Variants in GABRA2 observed in about 807,000 individuals in gnomAD.
GABRA2 encodes the protein gamma-aminobutyric acid type A receptor subunit alpha2, also known as gamma-aminobutyric acid receptor subunit alpha-2.
In GABRA2, 16 loss-of-function variants were observed where a neutral mutation model predicts 48.7. The ratio of observed to expected loss-of-function variants is 0.33; its 90% CI spans 0.22 to 0.50. The LOEUF (loss-of-function observed/expected upper bound fraction) is 0.50, where lower values mean the gene tolerates loss of function less well. GABRA2 is among the 20% of genes least tolerant of loss of function. GABRA2 has a pLI of 0.98. For missense variants in GABRA2, 275 were observed against 535.6 expected (o/e 0.51, Z 4.80); for synonymous variants, 185 against 184.5 (o/e 1.00, Z -0.02).
At chr4:46,262,950 G>GAAGA (rs1560444489) in intron 8 of GABRA2, among the ~76,000 whole-genome samples, 1,118 of 86,578 alleles carry the variant, frequency 0.013, 21 homozygotes, top group African/African-American at 0.06. Context: ...AAGAAAGAAA[G>GAAGA]AAAGAAAGAG....
chr4:46,353,358 CCAGA>C (rs1735458635), intron 3 of GABRA2, among the ~76,000 whole-genome samples: 1 of 152,030 alleles, frequency 6.6e-6, no homozygotes, highest in Non-Finnish European at 1.5e-5. Context: ...GTCTCCTTGC[CCAGA>C]CAGTCTACTC....
At chr4:46,337,118 C>T (rs1732375401) in intron 3 of GABRA2, among the ~76,000 whole-genome samples, 1 of 151,934 alleles carries the variant, frequency 6.6e-6, no homozygotes, top group South Asian at 2.1e-4. Flanking sequence ...AAACATCTGC[C>T]TGTGAAAGAC....
In GABRA2 at chr4:46,248,077, C is replaced by T. The variant is rs1052455199; in HGVS notation, c.*2231G>A. 7.9e-5 allele frequency among the ~76,000 whole-genome samples: 12 copies of T among 151,116 alleles called. No homozygotes were observed. The highest frequency in any genetic ancestry group is 1.8e-4 in the Non-Finnish European group (12 of 67,464). The stretch of plus-strand genomic sequence containing the variant: ...CATCAATATAGTAGCAGCTCTTTGC[C>T]CAAAGTATAGATAAGCCTTTTCTGT... On this transcript the variant is annotated 3_prime_UTR_variant, in exon 10 of 10. Transcript: ENST00000381620.
rs1717978978 is a variant in GABRA2 at position 46,389,800 on chromosome 4, TGGGAGAGA to T, written c.-84_-77del. ...CCTGATCTTGACGAGATAGGAAACT[TGGGAGAGA>T]GAGAGAGAGAGAGAGAGAGAGAGAG... On this transcript the variant is annotated 5_prime_UTR_variant, in exon 1 of 10. Coordinates refer to ENST00000381620, the MANE Select transcript of GABRA2 (RefSeq NM_000807.4). 2 of 601,174 alleles carry T rather than the reference TGGGAGAGA, an allele frequency of 3.3e-6. No homozygotes were observed. The highest frequency in any genetic ancestry group is 7.6e-5 in the African/African-American group (2 of 26,264). The allele number at this position is 601,174 out of a possible 1,614,324, so 37.2% of individuals were successfully genotyped here. A position where few individuals can be genotyped will look rare whatever the true frequency, so the allele number is the denominator to read the frequency against.
intron 8 of GABRA2, among the ~76,000 whole-genome samples, chr4:46,263,912 TTCTCTCTCTC>T (rs3068324): frequency 0.01 from 1,489 of 145,074 alleles, 19 homozygotes; most frequent in African/African-American, 0.031. Flanking sequence ...ATTAGATCAA[TTCTCTCTCTC>T]TCTCTCTCTC....
rs373262859 is a variant in GABRA2, at chr4:46,263,550, G to A, written c.857-1422C>T. On this transcript the variant is annotated intron_variant, in intron 8 of 9. Coordinates refer to ENST00000381620, the MANE Select transcript of GABRA2 (RefSeq NM_000807.4). ...AGAATCAATTGACCATAGATATATG[G>A]GATATCTCTGTACTCCAAATTTTAT... Among the ~76,000 whole-genome samples, 8 of 152,088 alleles carry A rather than the reference G, an allele frequency of 5.3e-5. No homozygotes were observed. In the East Asian group the frequency reaches 5.8e-4, roughly 11 times the overall value.
chr4:46,333,359 C>G (rs901268975), intron 3 of GABRA2, among the ~76,000 whole-genome samples: 21 of 151,930 alleles, frequency 1.4e-4, no homozygotes, highest in Admixed American at 1.2e-3. Context: ...GCTCTATCAA[C>G]CAGGTAATTT....
Position 46,332,656 on chromosome 4 carries a change from T to C in GABRA2, c.214A>G (p.Ile72Val). The change falls in exon 4 of 10, where the codon ATC becomes GTC. Residue 72 changes from isoleucine to valine, a missense_variant. Around this residue, in one of 4 missense-constraint regions of GABRA2, gnomAD observed 113 missense variants for 257.1 expected, o/e 0.44. Transcript: ENST00000381620. Reference protein sequence around the residue: ...GDSITEVFTNIYVTSFGPVSD... With the variant: ...GDSITEVFTNVYVTSFGPVSD... ...ACAGGGCCAAAACTGGTCACGTAGA[T>C]GTTAGTGAAGACTTCAGTAATACTG... The C allele has an allele frequency of 6.3e-7, 1 of 1,595,432 alleles. No homozygotes were observed. Among genetic ancestry groups the C allele is most frequent in the Non-Finnish European group, 8.6e-7 (1 of 1,163,226 alleles).
At chr4:46,321,980 T>C (rs1333826050) in intron 4 of GABRA2, among the ~76,000 whole-genome samples, 1 of 151,972 alleles carries the variant, frequency 6.6e-6, no homozygotes, top group Non-Finnish European at 1.5e-5. Context: ...GTATGCCCCA[T>C]GGGAGATCCA....
intron 3 of GABRA2, chr4:46,364,150 T>A (rs1713669973): frequency 6.6e-6 from 1 of 152,144 alleles, no homozygotes; most frequent in Non-Finnish European, 1.5e-5. Flanking sequence ...GAGATCTAAA[T>A]TCAATTCAGA....
intron 8 of GABRA2, among the ~76,000 whole-genome samples, chr4:46,281,256 T>A (rs1385141250): frequency 6.6e-6 from 1 of 152,198 alleles, no homozygotes; most frequent in Non-Finnish European, 1.5e-5. Flanking sequence ...GATGTATGTA[T>A]CTGGAGTTAA....
At chr4:46,260,266 A>C (rs891267069) in intron 9 of GABRA2, among the ~76,000 whole-genome samples, 2 of 151,902 alleles carry the variant, frequency 1.3e-5, no homozygotes, top group African/African-American at 4.8e-5. Context: ...TAACATAAAC[A>C]ACGTTAATTC....
At chr4:46,379,350 A>G (rs534244954) in intron 3 of GABRA2, among the ~76,000 whole-genome samples, 205 of 152,244 alleles carry the variant, frequency 1.3e-3, no homozygotes, top group South Asian at 7.9e-3. Context: ...AGCCTCCCCA[A>G]TGGCATCCCA....
intron 3 of GABRA2, 51 bp from the exon 4 acceptor site, chr4:46,332,733 G>A (rs1387114853): frequency 1.9e-6 from 2 of 1,078,806 alleles, no homozygotes; most frequent in African/African-American, 1.6e-5. Context: ...AAGAGCCACA[G>A]GAGAGAGAAG....
intron 3 of GABRA2, chr4:46,368,686 C>T (rs1055321306): frequency 3.1e-6 from 1 of 325,098 alleles, no homozygotes; most frequent in African/African-American, 2.1e-5. Flanking sequence ...TTGGGAAGCA[C>T]AGATTTTGTT....
At chr4:46,302,344 G>A (rs1725893145) in intron 8 of GABRA2, among the ~76,000 whole-genome samples, 1 of 151,916 alleles carries the variant, frequency 6.6e-6, no homozygotes, top group African/African-American at 2.4e-5. Context: ...ACAGGCATGA[G>A]GCATTACACT....
intron 8 of GABRA2, among the ~76,000 whole-genome samples, chr4:46,279,914 T>C (rs1721197528): frequency 6.6e-6 from 1 of 152,100 alleles, no homozygotes; most frequent in Non-Finnish European, 1.5e-5. Flanking sequence ...ATAGATTATA[T>C]AAGTAGTACT....
intron 2 of GABRA2, chr4:46,386,743 T>G (rs1717514999): frequency 1.3e-5 from 2 of 153,890 alleles, no homozygotes. Context: ...AAGTGCAATA[T>G]AAGCATCAGG....
intron 3 of GABRA2, among the ~76,000 whole-genome samples, chr4:46,357,370 G>A (rs1360317569): frequency 6.7e-6 from 1 of 148,678 alleles, no homozygotes; most frequent in Non-Finnish European, 1.5e-5. Context: ...GCCCTAAACA[G>A]CTACAGAGGA....
Sources: gnomAD v4.1 joint callset for allele counts (sites outside exome capture counted in the v4.1 genomes callset) on GRCh38, gnomAD v4.1.1 for gene constraint, gnomAD v4.1.1 regional missense constraint, MANE v1.5 for transcripts, NCBI Gene and HGNC (gene_info 2026-07-23, HGNC 2026-07-21) for gene names.